Variants in SDK1 observed in about 807,000 individuals in gnomAD.
SDK1 encodes sidekick cell adhesion molecule 1, also known as protein sidekick-1.
Under a neutral mutation model 245.5 loss-of-function variants are expected in SDK1, and 157 were observed. That is an observed-to-expected ratio of 0.64 (90% CI 0.56 to 0.73). The LOEUF (loss-of-function observed/expected upper bound fraction) is 0.73, where lower values mean the gene tolerates loss of function less well. Ranked by LOEUF, SDK1 falls within the 30% of genes least tolerant of loss-of-function variation. The pLI, the probability that SDK1 is intolerant of heterozygous loss-of-function variation, is 0.00. For missense variants in SDK1, 3,583 were observed against 3,002.3 expected (o/e 1.19, Z -4.52); for synonymous variants, 1,647 against 1,278.5 (o/e 1.29, Z -6.15).
At chr7:3,501,076 C>G (rs527532672) in intron 1 of SDK1, among the ~76,000 whole-genome samples, 3 of 152,026 alleles carry the variant, frequency 2.0e-5, no homozygotes, top group Non-Finnish European at 2.9e-5. Flanking sequence ...GATGACTGTT[C>G]ATTGTATATG....
chr7:4,254,248 CTTA>C (rs1396211120), intron 44 of SDK1, among the ~76,000 whole-genome samples: 2 of 151,574 alleles, frequency 1.3e-5, no homozygotes, highest in Non-Finnish European at 2.9e-5. Flanking sequence ...TTCTGATATT[CTTA>C]TTATACGTAT....
In SDK1 at chr7:3,395,621, C is replaced by G. The variant is rs906709995; in HGVS notation, c.298+93737C>G. 9.2e-5 allele frequency among the ~76,000 whole-genome samples: 14 copies of G among 151,874 alleles called. 1 individual carries two copies. The highest frequency in any genetic ancestry group is 2.7e-4 in the African/African-American group (11 of 41,408). ...AATTCCCCAGTGAAGGAATCTGAGC[C>G]TGGACTTTTCTTTGTGGGAACATAT... On this transcript the variant is annotated intron_variant, in intron 1 of 44. Coordinates refer to ENST00000404826, the MANE Select transcript of SDK1 (RefSeq NM_152744.4).
intron 1 of SDK1, among the ~76,000 whole-genome samples, chr7:3,322,570 A>T (rs1401211150): frequency 2.0e-5 from 3 of 152,196 alleles, no homozygotes; most frequent in African/African-American, 7.2e-5. Flanking sequence ...CCCACAGTGG[A>T]AATGGAACAA....
chr7:3,656,821 C>G (rs1331909111), intron 4 of SDK1, among the ~76,000 whole-genome samples: 1 of 151,338 alleles, frequency 6.6e-6, no homozygotes, highest in South Asian at 2.1e-4. Flanking sequence ...AATCTCGGCT[C>G]ACTGCAAGCT....
chr7:4,058,102 G>C (rs532060753), intron 19 of SDK1, among the ~76,000 whole-genome samples: 171 of 151,840 alleles, frequency 1.1e-3, no homozygotes, highest in Admixed American at 3.7e-3. Context: ...AAAAAATAAT[G>C]ATATTAAGGA....
intron 17 of SDK1, among the ~76,000 whole-genome samples, chr7:4,039,104 A>G: frequency 6.7e-6 from 1 of 150,032 alleles, no homozygotes; most frequent in Non-Finnish European, 1.5e-5. Context: ...TTGAACAATG[A>G]GAACACATGG....
chr7:3,783,891 C>T (rs1780823570), intron 4 of SDK1, among the ~76,000 whole-genome samples: 1 of 150,816 alleles, frequency 6.6e-6, no homozygotes, highest in Non-Finnish European at 1.5e-5. Flanking sequence ...CCCCAAATAG[C>T]CAAGGCAATC....
At chr7:4,022,844 G>T (rs532257826) in intron 17 of SDK1, among the ~76,000 whole-genome samples, 9 of 150,552 alleles carry the variant, frequency 6.0e-5, no homozygotes, top group African/African-American at 2.2e-4. Flanking sequence ...CGCGATCTCG[G>T]CTCACTGCAA....
chr7:3,966,039 C>G (rs1177359111), intron 9 of SDK1, among the ~76,000 whole-genome samples: 2 of 151,850 alleles, frequency 1.3e-5, no homozygotes, highest in African/African-American at 4.8e-5. Context: ...GAGCTGCGAG[C>G]AAGCAGAGAA....
chr7:3,459,899 AT>A (rs1780782587), intron 1 of SDK1, among the ~76,000 whole-genome samples: 1 of 152,176 alleles, frequency 6.6e-6, no homozygotes, highest in Non-Finnish European at 1.5e-5. Context: ...TCTCGTGTTT[AT>A]TGAGGCTTTT....
At chr7:3,336,384 G>A (rs1179986753) in intron 1 of SDK1, among the ~76,000 whole-genome samples, 3 of 152,162 alleles carry the variant, frequency 2.0e-5, no homozygotes, top group African/African-American at 4.8e-5. Context: ...GTAGGAGCAG[G>A]TGATGCTCTG....
intron 5 of SDK1, among the ~76,000 whole-genome samples, chr7:3,914,612 T>C (rs1403156418): frequency 1.3e-5 from 2 of 152,204 alleles, no homozygotes; most frequent in African/African-American, 2.4e-5. Context: ...TGCTCTTGCA[T>C]GTGCTCAGTC....
Position 3,735,361 on chromosome 7 carries a change from A to G in SDK1, c.714-86089A>G, listed in dbSNP as rs560814190. 7.9e-5 allele frequency among the ~76,000 whole-genome samples: 12 copies of G among 152,244 alleles called. 1 individual carries two copies. The South Asian group carries it at 2.5e-3, about 32-fold the overall frequency. ...CACAGCCCCAGGCAGCCATCATTCT[A>G]CTTTGTCTCTATGAGTTTGACTACT... On this transcript the variant is annotated intron_variant, in intron 4 of 44. Transcript: ENST00000404826.
At chr7:3,850,489 T>C (rs571498687) in intron 5 of SDK1, among the ~76,000 whole-genome samples, 2 of 152,188 alleles carry the variant, frequency 1.3e-5, no homozygotes, top group Non-Finnish European at 1.5e-5. Context: ...CCATTTGACC[T>C]AGCTATCCCA....
chr7:3,822,364 A>G (rs1165542396), intron 5 of SDK1, among the ~76,000 whole-genome samples: 5 of 152,230 alleles, frequency 3.3e-5, no homozygotes, highest in Non-Finnish European at 7.3e-5. Flanking sequence ...GTAAATTTCA[A>G]AATATTATTA....
chr7:3,795,174 C>G (rs746359820), intron 4 of SDK1, among the ~76,000 whole-genome samples: 2 of 152,072 alleles, frequency 1.3e-5, no homozygotes, highest in Non-Finnish European at 2.9e-5. Context: ...ATCAAGTTGC[C>G]CTAGCATACT....
At chr7:4,209,454 C>T (rs752238068) in intron 37 of SDK1, among the ~76,000 whole-genome samples, 17 of 152,208 alleles carry the variant, frequency 1.1e-4, no homozygotes, top group Admixed American at 5.9e-4. Context: ...CACATCACCC[C>T]GGCCACACAC....
At chr7:3,315,895 G>C (rs774876759) in intron 1 of SDK1, among the ~76,000 whole-genome samples, 7 of 152,004 alleles carry the variant, frequency 4.6e-5, no homozygotes, top group South Asian at 4.1e-4. Flanking sequence ...TCATCTGTTG[G>C]AAAAAAGCAT....
At chr7:3,765,314 T>C (rs768904113) in intron 4 of SDK1, among the ~76,000 whole-genome samples, 2 of 152,192 alleles carry the variant, frequency 1.3e-5, no homozygotes, top group Non-Finnish European at 2.9e-5. Context: ...TTTTAAAATA[T>C]ATGCCCATGA....
Sources: gnomAD v4.1 joint callset for allele counts (sites outside exome capture counted in the v4.1 genomes callset) on GRCh38, gnomAD v4.1.1 for gene constraint, MANE v1.5 for transcripts, NCBI Gene and HGNC (gene_info 2026-07-23, HGNC 2026-07-21) for gene names.